SORCS1: variants seen among roughly 807,000 people sequenced by gnomAD.
The protein encoded by SORCS1 is VPS10 domain-containing receptor SorCS1.
A neutral mutation model predicts 146.1 loss-of-function variants in SORCS1; 60 were observed. That is an observed-to-expected ratio of 0.41 (90% CI 0.33 to 0.51). The LOEUF (loss-of-function observed/expected upper bound fraction) is 0.51, where lower values mean the gene tolerates loss of function less well. Ranked by LOEUF, SORCS1 falls within the 20% of genes least tolerant of loss-of-function variation. The pLI, the probability that SORCS1 is intolerant of heterozygous loss-of-function variation, is 0.21. For synonymous variants in SORCS1, 637 were observed against 584.0 expected (o/e 1.09, Z -1.31); for missense variants, 1,352 against 1,487.6 (o/e 0.91, Z 1.50).
intron 1 of SORCS1, among the ~76,000 whole-genome samples, chr10:107,008,748 A>G (rs1489375392): frequency 6.6e-6 from 1 of 152,228 alleles, no homozygotes. Context: ...CTGTAATCCT[A>G]GCACTTTGGG....
chr10:107,168,666 CTTTTTTTT>C (rs57998261), upstream of SORCS1, among the ~76,000 whole-genome samples: 9 of 119,262 alleles, frequency 7.5e-5, no homozygotes, highest in Admixed American at 1.8e-4. Context: ...CAGCTCATGC[CTTTTTTTT>C]TTTTTTTTTT....
At chr10:107,008,335 A>C (rs1306182014) in intron 1 of SORCS1, among the ~76,000 whole-genome samples, 1 of 152,250 alleles carries the variant, frequency 6.6e-6, no homozygotes, top group Non-Finnish European at 1.5e-5. Context: ...GCCAAGTCAC[A>C]AGGTCATTTT....
At chr10:106,619,220 T>G (rs139095503) in intron 20 of SORCS1, among the ~76,000 whole-genome samples, 1 of 152,178 alleles carries the variant, frequency 6.6e-6, no homozygotes, top group Non-Finnish European at 1.5e-5. Context: ...TTCAGGGAAA[T>G]GACATAGATT....
chr10:106,825,776 C>T (rs184757348), intron 3 of SORCS1, among the ~76,000 whole-genome samples: 1 of 152,150 alleles, frequency 6.6e-6, no homozygotes, highest in Non-Finnish European at 1.5e-5. Context: ...GACATCGTGA[C>T]AGATAGCCAG....
At chr10:107,022,783 G>C (rs112846655) in intron 1 of SORCS1, among the ~76,000 whole-genome samples, 128 of 152,306 alleles carry the variant, frequency 8.4e-4, no homozygotes, top group African/African-American at 2.8e-3. Context: ...GTGGTTCAGG[G>C]TTTAGGGTAA....
At chr10:107,162,398 C>G (rs1357890586) in intron 1 of SORCS1, among the ~76,000 whole-genome samples, 1 of 152,136 alleles carries the variant, frequency 6.6e-6, no homozygotes, top group Non-Finnish European at 1.5e-5. Flanking sequence ...TAAGAAGATT[C>G]GAGTTCAAAT....
chr10:107,073,878 T>A (rs1328236), intron 1 of SORCS1, among the ~76,000 whole-genome samples: 34,375 of 152,134 alleles, frequency 0.23, 4,198 homozygotes, highest in Middle Eastern at 0.37. Context: ...TGGACTTTTT[T>A]TTTTTAACAT....
intron 1 of SORCS1, among the ~76,000 whole-genome samples, chr10:107,095,058 A>C (rs1355890542): frequency 6.6e-6 from 1 of 152,192 alleles, no homozygotes; most frequent in Non-Finnish European, 1.5e-5. Flanking sequence ...CTAGTGTAGG[A>C]CACAGATGTT....
intron 1 of SORCS1, among the ~76,000 whole-genome samples, chr10:107,106,609 C>T (rs923904738): frequency 6.6e-6 from 1 of 152,124 alleles, no homozygotes; most frequent in African/African-American, 2.4e-5. Context: ...TCACACTCAG[C>T]TCTCAGTATC....
At position 106,603,802 on chromosome 10, in the gene SORCS1, G is replaced by C. The variant is rs566138603; in HGVS notation, c.3165+3364C>G. Among the ~76,000 whole-genome samples, 6 of 152,298 alleles carry C rather than the reference G, an allele frequency of 3.9e-5. No individual in the cohort carries two copies. In the East Asian group the frequency reaches 1.2e-3, roughly 29 times the overall value. On this transcript the variant is annotated intron_variant, in intron 23 of 25. Transcript: ENST00000263054. ...TAATTTATGATACCAGAAGTCAGTTGCGTTTGCCTCCCAGCATTCCCTCTC... is the reference window on the plus strand; with the variant it reads ...TAATTTATGATACCAGAAGTCAGTTCCGTTTGCCTCCCAGCATTCCCTCTC...
At chr10:107,066,426 C>G (rs751435360) in intron 1 of SORCS1, among the ~76,000 whole-genome samples, 1 of 152,012 alleles carries the variant, frequency 6.6e-6, no homozygotes, top group South Asian at 2.1e-4. Context: ...TTATGCAAGC[C>G]GAAAGGAAAT....
chr10:106,719,527 C>T (rs992517509), intron 6 of SORCS1, among the ~76,000 whole-genome samples: 5 of 151,872 alleles, frequency 3.3e-5, no homozygotes, highest in African/African-American at 1.2e-4. Context: ...ATTCTCCTGC[C>T]TCAGCCTCCC....
chr10:106,959,040 C>T (rs556196330), intron 1 of SORCS1, among the ~76,000 whole-genome samples: 1 of 152,316 alleles, frequency 6.6e-6, no homozygotes, highest in Non-Finnish European at 1.5e-5. Context: ...CAGGCTGTGT[C>T]TCCCATTCTT....
Position 107,136,855 on chromosome 10 carries a change from C to T in SORCS1, c.558+27114G>A, listed in dbSNP as rs1316372510. 3.9e-5 allele frequency among the ~76,000 whole-genome samples: 6 copies of T among 152,174 alleles called. No homozygotes were observed. In the East Asian group the frequency reaches 1.2e-3, roughly 29 times the overall value. ...AGCCTCCCTGCACTCCACCAGAACT[C>T]CCCTCCGTCCCCTGCTTCCTTTTGC... On this transcript the variant is annotated intron_variant, in intron 1 of 25. Transcript: ENST00000263054.
intron 1 of SORCS1, among the ~76,000 whole-genome samples, chr10:107,105,886 G>A (rs531111384): frequency 6.6e-6 from 1 of 152,300 alleles, no homozygotes; most frequent in Non-Finnish European, 1.5e-5. Context: ...AAAAGTTCTT[G>A]TGGTAGGTCT....
In SORCS1 at chr10:106,706,605, G is replaced by A. The variant is rs1211615651; in HGVS notation, c.1173C>T (p.Tyr391=). Residue 391 remains tyrosine (Y), a synonymous_variant, in exon 8 of 26, where the codon TAC becomes TAT. Coordinates refer to ENST00000263054, the MANE Select transcript of SORCS1 (RefSeq NM_052918.5). ...CAAATGCATTCCTTCGGTAGGACAC[G>A]TAGTAATGTGGCCGCCCTCCTGATG... The part of the protein sequence containing the change: ...QLTSGGRPHY[Y]VSYRRNAFAQ... 5.6e-6 allele frequency: 9 copies of A among 1,614,152 alleles called. No individual in the cohort carries two copies. The East Asian group carries it at 6.7e-5, about 12-fold the overall frequency.
intron 1 of SORCS1, among the ~76,000 whole-genome samples, chr10:106,996,226 A>T (rs1466441322): frequency 3.0e-5 from 1 of 33,014 alleles, no homozygotes; most frequent in East Asian, 6.0e-4. Context: ...GACTCCATCT[A>T]AAAAAAAAAA....
In SORCS1 at chr10:107,051,224, A is replaced by C. The variant is rs577097989; in HGVS notation, c.559-94644T>G. ...TTCAAATTTCAGACAGCCACGTGTTATGAGGATAAGAAAACAAGGCAGTGG... is the reference window on the plus strand; with the variant it reads ...TTCAAATTTCAGACAGCCACGTGTTCTGAGGATAAGAAAACAAGGCAGTGG... On this transcript the variant is annotated intron_variant, in intron 1 of 25. Coordinates refer to ENST00000263054, the MANE Select transcript of SORCS1 (RefSeq NM_052918.5). Among the ~76,000 whole-genome samples the C allele has an allele frequency of 4.6e-5, 7 of 152,324 alleles. No homozygotes were observed. The East Asian group carries it at 1.3e-3, about 29-fold the overall frequency.
intron 18 of SORCS1, among the ~76,000 whole-genome samples, chr10:106,632,723 T>A (rs1195168061): frequency 6.6e-6 from 1 of 152,186 alleles, no homozygotes; most frequent in Non-Finnish European, 1.5e-5. Flanking sequence ...GCACTTTAAT[T>A]AACTAATCAT....
Sources: allele counts gnomAD v4.1 joint callset (sites outside exome capture counted in the v4.1 genomes callset), GRCh38; gene constraint gnomAD v4.1.1; transcripts MANE v1.5; gene names NCBI Gene and HGNC (gene_info 2026-07-23, HGNC 2026-07-21).